The following TCFL5 variants were observed in gnomAD, a reference collection of about 807,000 sequenced individuals.
TCFL5 encodes transcription factor-like 5 protein.
TCFL5 carries 9 observed loss-of-function variants against 44.3 expected under a neutral mutation model. The ratio of observed to expected loss-of-function variants is 0.20; its 90% CI spans 0.12 to 0.35. The LOEUF (loss-of-function observed/expected upper bound fraction) is 0.35, where lower values mean the gene tolerates loss of function less well. Among genes scored for constraint, TCFL5 ranks in the 10% least tolerant of loss-of-function variants. The pLI is 1.00. For missense variants in TCFL5, 603 were observed against 613.4 expected, an observed-to-expected ratio of 0.98 and a Z score of 0.18; for synonymous variants, 319 against 271.6, an observed-to-expected ratio of 1.17 and a Z score of -1.72.
chr20:62,859,529 G>A lies in TCFL5; in HGVS notation c.832-3C>T. The A allele has an allele frequency of 6.2e-7, 1 of 1,600,478 alleles. No individual in the cohort carries two copies. The highest frequency in any genetic ancestry group is 1.1e-5 in the South Asian group (1 of 87,906). ...ACAGAACATGAGTTACTAGAACTCT[G>A]GAAAAAAATGAAGCAACAGGAATTT... On this transcript the variant is annotated splice_polypyrimidine_tract_variant and splice_region_variant and intron_variant, in intron 2 of 5. Transcript: ENST00000335351.
intron 5 of TCFL5, among the ~76,000 whole-genome samples, chr20:62,853,243 T>C (rs1469748622): frequency 2.0e-5 from 3 of 151,834 alleles, no homozygotes; most frequent in African/African-American, 7.3e-5. Flanking sequence ...CAGAAGTATA[T>C]GCACCCAGTC....
intron 4 of TCFL5, among the ~76,000 whole-genome samples, chr20:62,854,894 G>A (rs2063864174): frequency 2.0e-5 from 3 of 152,108 alleles, no homozygotes; most frequent in Non-Finnish European, 4.4e-5. Flanking sequence ...CATTTACTAG[G>A]TGCTTTTGGA....
intron 5 of TCFL5, among the ~76,000 whole-genome samples, chr20:62,848,320 C>T (rs1390920754): frequency 2.0e-5 from 3 of 152,210 alleles, no homozygotes; most frequent in African/African-American, 4.8e-5. Context: ...ACACAACCAG[C>T]GCCCCAGACG....
intron 5 of TCFL5, chr20:62,851,631 A>C: frequency 1.0e-6 from 1 of 985,398 alleles, no homozygotes; most frequent in Non-Finnish European, 1.2e-6. Context: ...TATAGAATGC[A>C]ATTAAATGTA....
chr20:62,846,294 T>C (rs568837623), intron 5 of TCFL5, among the ~76,000 whole-genome samples: 2 of 152,196 alleles, frequency 1.3e-5, no homozygotes, highest in Admixed American at 6.5e-5. Flanking sequence ...CTATGAACAG[T>C]TGGGCAGAGG....
chr20:62,852,416 G>A (rs2063822920), intron 5 of TCFL5: 2 of 985,368 alleles, frequency 2.0e-6, no homozygotes, highest in Non-Finnish European at 2.4e-6. Context: ...CCCCAAGGCA[G>A]GGCCCAGAAC....
intron 5 of TCFL5, chr20:62,852,182 C>G (rs1358817536): frequency 3.5e-5 from 34 of 985,344 alleles, no homozygotes; most frequent in Non-Finnish European, 3.9e-5. Flanking sequence ...CTGCCTGGGT[C>G]AACAGCAGCA....
Position 62,841,194 on chromosome 20 carries a change from A to ATATCT in TCFL5, c.*780_*781insAGATA, listed in dbSNP as rs1555826463. 2.6e-3 allele frequency: 448 copies of ATATCT among 170,238 alleles called. 3 individuals carry two copies. The highest frequency in any genetic ancestry group is 0.01 in the African/African-American group (423 of 41,574). The allele number at this position is 170,238 out of a possible 1,614,324, so 10.5% of individuals were successfully genotyped here. A position where few individuals can be genotyped will look rare whatever the true frequency, so the allele number is the denominator to read the frequency against. On this transcript the variant is annotated 3_prime_UTR_variant, in exon 6 of 6. Transcript: ENST00000335351. Reference sequence around the variant, plus strand: ...AGTCTGATGTTTTGTGTACAAACTCACATCTCCAATTAACAGTATTTATTG... The same window carrying ATATCT: ...AGTCTGATGTTTTGTGTACAAACTCATATCTCATCTCCAATTAACAGTATTTATTG...
rs34304654 is a variant in TCFL5 at position 62,857,493 on chromosome 20, C to G, written c.1140G>C (p.Glu380Asp). ...GCTCCCCCAGGTTTGCCTGTGAGGA[C>G]TCCGAGGACTGCCAAGCGCCTTGTG... Reference protein sequence around the residue: ...TATQGAWQSSESSQANLGEQA... With the variant: ...TATQGAWQSSDSSQANLGEQA... The change falls in exon 4 of 6, where the codon GAG becomes GAC. Residue 380 changes from glutamate to aspartate, a missense_variant. This residue lies in a region of TCFL5 where 540 missense variants were observed against 478.7 expected (regional missense o/e 1.13). Transcript: ENST00000335351. 1.9e-3 allele frequency: 3,039 copies of G among 1,614,254 alleles called. 54 individuals carry two copies. In the African/African-American group the frequency reaches 0.034, roughly 18 times the overall value.
chr20:62,853,081 G>A (rs1227417957), intron 5 of TCFL5, among the ~76,000 whole-genome samples: 2 of 142,694 alleles, frequency 1.4e-5, no homozygotes, highest in Non-Finnish European at 3.0e-5. Flanking sequence ...GTCCGCAGAA[G>A]CACAGTCACC....
chr20:62,851,269 T>A (rs1045653582), intron 5 of TCFL5, among the ~76,000 whole-genome samples: 2 of 152,206 alleles, frequency 1.3e-5, no homozygotes, highest in Admixed American at 6.5e-5. Flanking sequence ...TCTAATAATG[T>A]GACCCAGAAG....
chr20:62,845,839 A>T, intron 5 of TCFL5: 1 of 1,593,932 alleles, frequency 6.3e-7, no homozygotes, highest in Non-Finnish European at 8.6e-7. Context: ...AAAGTGATTT[A>T]TGACAAAGAT....
In TCFL5 at chr20:62,861,112, G is replaced by A; in HGVS notation, c.559C>T (p.Leu187=). 2.0e-6 allele frequency: 2 copies of A among 998,714 alleles called. No homozygotes were observed. Among genetic ancestry groups the A allele is most frequent in the Non-Finnish European group, 2.4e-6 (2 of 840,678 alleles). 61.9% of individuals were successfully genotyped at this position (998,714 alleles called of 1,614,324 possible). ...GGGATGCTGTTGAAGCGGTCCTCCAGGCGGACGCGCACGGCCGGCTTGGCC... is the reference window on the plus strand; with the variant it reads ...GGGATGCTGTTGAAGCGGTCCTCCAAGCGGACGCGCACGGCCGGCTTGGCC... ...ARAKPAVRVR[L]EDRFNSIPAE... The change falls in exon 1 of 6, where the codon CTG becomes TTG. Residue 187 remains leucine (L), a synonymous_variant. Transcript: ENST00000335351. This position sits in a 1 kb window ranked among gnomAD's most constrained non-coding sequence, Gnocchi z 4.0.
At chr20:62,843,961 T>C (rs1321176216) in intron 5 of TCFL5, among the ~76,000 whole-genome samples, 1 of 152,246 alleles carries the variant, frequency 6.6e-6, no homozygotes, top group East Asian at 1.9e-4. Flanking sequence ...TGTTGTGTGC[T>C]TGTAACACAT....
At chr20:62,851,681 T>C (rs2063812199) in intron 5 of TCFL5, 2 of 985,340 alleles carry the variant, frequency 2.0e-6, no homozygotes. Context: ...ACTCGCAAGA[T>C]GTAAATGTCA....
intron 5 of TCFL5, chr20:62,845,977 A>G (rs1600827978): frequency 7.0e-7 from 1 of 1,432,706 alleles, no homozygotes; most frequent in Non-Finnish European, 9.3e-7. Context: ...CTTCAAATGC[A>G]AAGCTCCTGG....
Position 62,861,499 on chromosome 20 carries a change from G to T in TCFL5, c.172C>A (p.Gln58Lys). Residue 58 changes from glutamine to lysine, a missense_variant, in exon 1 of 6, where the codon CAG becomes AAG. Physicochemically the swap from Gln to Lys is moderately conservative, Grantham distance 53. Around this residue, in one of 4 missense-constraint regions of TCFL5, gnomAD observed 540 missense variants for 478.7 expected, o/e 1.13. Transcript: ENST00000335351. The surrounding 1 kb of genome is among the most constrained non-coding windows in gnomAD (Gnocchi z 4.0). The part of the protein sequence containing the change: ...EMTEVEYTQL[Q>K]HILCSHMEAA... ...TCCATGTGCGAGCAGAGGATGTGCT[G>T]CAGCTGCGTGTACTCCACCTCCGTC... 1 of 1,199,174 alleles carries T rather than the reference G, an allele frequency of 8.3e-7. No individual in the cohort carries two copies. The allele number at this position is 1,199,174 out of a possible 1,614,324, so 74.3% of individuals were successfully genotyped here.
In TCFL5 at chr20:62,852,826, A is replaced by C. The variant is rs915228329; in HGVS notation, c.1380+1190T>G. On this transcript the variant is annotated intron_variant, in intron 5 of 5. Transcript: ENST00000335351. ...AGAAGTATATTCACCGAGTCCACAA[A>C]GGTATAGTCAACCAGTCCACAAAAG... is the stretch of plus-strand genomic sequence containing the variant. The C allele has an allele frequency of 4.7e-6, 6 of 1,289,412 alleles. No individual in the cohort carries two copies. In the African/African-American group the frequency reaches 9.1e-5, roughly 20 times the overall value. The allele number at this position is 1,289,412 out of a possible 1,614,324, so 79.9% of individuals were successfully genotyped here. A position where few individuals can be genotyped will look rare whatever the true frequency, so the allele number is the denominator to read the frequency against.
At chr20:62,860,547 G>A (rs1005728277) in intron 1 of TCFL5, among the ~76,000 whole-genome samples, 6 of 152,198 alleles carry the variant, frequency 3.9e-5, no homozygotes, top group Non-Finnish European at 8.8e-5. Flanking sequence ...TCTCACTTTT[G>A]CCATCCTCCA....
Sources: gnomAD v4.1 joint callset for allele counts (sites outside exome capture counted in the v4.1 genomes callset) on GRCh38, gnomAD v4.1.1 for gene constraint, gnomAD v4.1.1 regional missense constraint, Gnocchi (gnomAD v3.1) non-coding constraint, MANE v1.5 for transcripts, NCBI Gene and HGNC (gene_info 2026-07-23, HGNC 2026-07-21) for gene names.